Variants in MBD5 observed in about 807,000 individuals in gnomAD.
The protein encoded by MBD5 is methyl-CpG-binding domain protein 5.
MBD5 carries 13 observed loss-of-function variants against 117.3 expected under a neutral mutation model. That is an observed-to-expected ratio of 0.11 (90% CI 0.07 to 0.18). The LOEUF (loss-of-function observed/expected upper bound fraction) is 0.18. Among genes scored for constraint, MBD5 ranks in the 10% least tolerant of loss-of-function variants. MBD5 has a pLI of 1.00. For missense variants in MBD5, 1,879 were observed against 2,093.8 expected, an observed-to-expected ratio of 0.90 and a Z score of 2.00; for synonymous variants, 727 against 766.4, an observed-to-expected ratio of 0.95 and a Z score of 0.85.
intron 1 of MBD5, among the ~76,000 whole-genome samples, chr2:148,051,701 A>T (rs182534924): frequency 1.3e-5 from 2 of 151,574 alleles, no homozygotes; most frequent in Non-Finnish European, 1.5e-5. Flanking sequence ...ATTTGTTGAG[A>T]TGATCATATG....
chr2:148,307,906 C>A (rs755977536), intron 3 of MBD5, among the ~76,000 whole-genome samples: 8 of 152,004 alleles, frequency 5.3e-5, no homozygotes, highest in Non-Finnish European at 1.5e-5. Context: ...GTTTTCTGTT[C>A]CTGTGTTACT....
intron 3 of MBD5, among the ~76,000 whole-genome samples, chr2:148,241,567 T>A (rs1157083940): frequency 6.6e-6 from 1 of 152,144 alleles, no homozygotes; most frequent in African/African-American, 2.4e-5. Context: ...ACAAATATTG[T>A]AACTCCTGCT....
chr2:148,175,023 A>G (rs956342253), intron 1 of MBD5, among the ~76,000 whole-genome samples: 1 of 152,174 alleles, frequency 6.6e-6, no homozygotes, highest in Non-Finnish European at 1.5e-5. Flanking sequence ...GCTGTTCACA[A>G]TAGCCAAGTT....
At chr2:148,225,106 T>G (rs1245093906) in intron 2 of MBD5, among the ~76,000 whole-genome samples, 3 of 152,200 alleles carry the variant, frequency 2.0e-5, no homozygotes, top group African/African-American at 7.2e-5. Context: ...TCCTGCCATT[T>G]TGTTATTTGT....
chr2:148,385,124 A>G (rs1360458379), intron 4 of MBD5, among the ~76,000 whole-genome samples: 2 of 152,132 alleles, frequency 1.3e-5, no homozygotes, highest in Non-Finnish European at 2.9e-5. Flanking sequence ...GGATCTAATC[A>G]AACTAAAGAG....
At chr2:148,305,062 C>A (rs1380645732) in intron 3 of MBD5, among the ~76,000 whole-genome samples, 1 of 139,876 alleles carries the variant, frequency 7.1e-6, no homozygotes, top group Non-Finnish European at 1.6e-5. Flanking sequence ...GAGACTCCGT[C>A]TCAAAAAAAA....
At chr2:148,425,708 G>A (rs539673466) in intron 4 of MBD5, among the ~76,000 whole-genome samples, 76 of 152,242 alleles carry the variant, frequency 5.0e-4, no homozygotes, top group Non-Finnish European at 8.7e-4. Flanking sequence ...CAGCTTCATC[G>A]CAGGGATGCA....
intron 2 of MBD5, among the ~76,000 whole-genome samples, chr2:148,183,431 T>C (rs901704794): frequency 6.6e-6 from 1 of 152,160 alleles, no homozygotes; most frequent in Non-Finnish European, 1.5e-5. Flanking sequence ...TCATAATTGT[T>C]TATACATTAC....
intron 2 of MBD5, among the ~76,000 whole-genome samples, chr2:148,207,183 G>A (rs1163659401): frequency 6.6e-6 from 1 of 152,136 alleles, no homozygotes; most frequent in African/African-American, 2.4e-5. Flanking sequence ...ATGTGCTATT[G>A]TCCAATCTGG....
intron 2 of MBD5, among the ~76,000 whole-genome samples, chr2:148,228,739 T>C (rs2106123008): frequency 6.6e-6 from 1 of 152,336 alleles, no homozygotes; most frequent in South Asian, 2.1e-4. Context: ...CATCTGGTCC[T>C]GGACTTTTTT....
chr2:148,219,445 A>G (rs951776806), intron 2 of MBD5, among the ~76,000 whole-genome samples: 22 of 152,166 alleles, frequency 1.4e-4, no homozygotes, highest in African/African-American at 5.3e-4. Context: ...TATAGTAAAT[A>G]CTAGGCAATA....
chr2:148,349,017 G>T (rs911414380), intron 4 of MBD5, among the ~76,000 whole-genome samples: 3 of 151,732 alleles, frequency 2.0e-5, no homozygotes, highest in Admixed American at 2.0e-4. Context: ...AAACATCCAA[G>T]CCCTATATTT....
At chr2:148,130,215 TTTAA>T (rs1354825604) in intron 1 of MBD5, among the ~76,000 whole-genome samples, 1 of 152,324 alleles carries the variant, frequency 6.6e-6, no homozygotes, top group Admixed American at 6.5e-5. Context: ...CAAATTTTAA[TTTAA>T]TTATTTAAAT....
intron 1 of MBD5, among the ~76,000 whole-genome samples, chr2:148,097,240 T>C (rs1394949879): frequency 6.6e-6 from 1 of 152,226 alleles, no homozygotes; most frequent in Non-Finnish European, 1.5e-5. Flanking sequence ...TGGTGTACAG[T>C]ATTACTTATA....
At chr2:148,047,801 GTTATGAGTTGGAATTCTACAA>G (rs1694573246) in intron 1 of MBD5, among the ~76,000 whole-genome samples, 1 of 152,190 alleles carries the variant, frequency 6.6e-6, no homozygotes, top group Non-Finnish European at 1.5e-5. Context: ...TAAATTTTAA[GTTATGAGTTGGAATTCTACAA>G]TTGCATAAGA....
At chr2:148,287,680 C>T (rs539605244) in intron 3 of MBD5, among the ~76,000 whole-genome samples, 1 of 152,264 alleles carries the variant, frequency 6.6e-6, no homozygotes, top group South Asian at 2.1e-4. Context: ...CTGGTGAGGA[C>T]CTACTTGCCA....
chr2:148,499,911 T>A (rs1275239298), intron 11 of MBD5, among the ~76,000 whole-genome samples: 1 of 152,200 alleles, frequency 6.6e-6, no homozygotes, highest in East Asian at 1.9e-4. Context: ...AGTAAAGTGC[T>A]AAAATCCTGA....
chr2:148,136,028 A>G (rs965915525), intron 1 of MBD5, among the ~76,000 whole-genome samples: 2 of 152,114 alleles, frequency 1.3e-5, no homozygotes, highest in Non-Finnish European at 2.9e-5. Context: ...GGCATATCCT[A>G]TGGCCTTGCA....
intron 3 of MBD5, chr2:148,244,264 A>AATGT (rs1239005812): frequency 1.3e-5 from 2 of 152,116 alleles, no homozygotes; most frequent in East Asian, 3.9e-4. Flanking sequence ...TGAATGAGAT[A>AATGT]ATGTATGTAA....
Sources: gnomAD v4.1 joint callset for allele counts (sites outside exome capture counted in the v4.1 genomes callset) on GRCh38, gnomAD v4.1.1 for gene constraint, MANE v1.5 for transcripts, NCBI Gene and HGNC (gene_info 2026-07-23, HGNC 2026-07-21) for gene names.